Variants in ELMO1 observed in about 807,000 individuals in gnomAD.
ELMO1 encodes engulfment and cell motility protein 1.
In ELMO1, 26 loss-of-function variants were observed where a neutral mutation model predicts 98.9. The ratio of observed to expected loss-of-function variants is 0.26; its 90% confidence interval spans 0.19 to 0.36. ELMO1 has a LOEUF of 0.36. Among genes scored for constraint, ELMO1 ranks in the 10% least tolerant of loss-of-function variants. ELMO1 has a pLI of 1.00. For synonymous variants in ELMO1, 346 were observed against 346.0 expected (o/e 1.00, Z 0.00); for missense variants, 627 against 935.2 (o/e 0.67, Z 4.30).
chr7:37,382,439 C>T (rs972476152), intron 1 of ELMO1, among the ~76,000 whole-genome samples: 2 of 152,102 alleles, frequency 1.3e-5, no homozygotes, highest in Non-Finnish European at 2.9e-5. Flanking sequence ...GCCACTTTGG[C>T]GTAAGAATTA....
At chr7:37,318,790 C>A (rs946919456) in intron 2 of ELMO1, among the ~76,000 whole-genome samples, 1 of 152,140 alleles carries the variant, frequency 6.6e-6, no homozygotes, top group African/African-American at 2.4e-5. Context: ...AAACATTAGC[C>A]CTCACCACCC....
At chr7:37,146,173 T>C (rs574036963) in intron 13 of ELMO1, among the ~76,000 whole-genome samples, 40 of 152,182 alleles carry the variant, frequency 2.6e-4, no homozygotes, top group Non-Finnish European at 5.1e-4. Context: ...CCTTCCAAGG[T>C]TGAGAACCAC....
chr7:37,226,737 G>A (rs2130574023), intron 8 of ELMO1, among the ~76,000 whole-genome samples: 1 of 152,186 alleles, frequency 6.6e-6, no homozygotes, highest in African/African-American at 2.4e-5. Flanking sequence ...CTGAGAAGCT[G>A]TTGCTGATAT....
At chr7:37,193,428 G>T (rs189423833) in intron 13 of ELMO1, among the ~76,000 whole-genome samples, 1 of 152,152 alleles carries the variant, frequency 6.6e-6, no homozygotes, top group Admixed American at 6.5e-5. Flanking sequence ...ACAAAAAGCC[G>T]TTATATAAGC....
chr7:37,141,547 T>C (rs967795553), intron 13 of ELMO1, among the ~76,000 whole-genome samples: 2 of 151,944 alleles, frequency 1.3e-5, no homozygotes, highest in African/African-American at 4.8e-5. Flanking sequence ...AATAAGAAAA[T>C]TTAAAAATTC....
At chr7:37,101,642 C>T (rs1182247027) in intron 14 of ELMO1, among the ~76,000 whole-genome samples, 3 of 152,228 alleles carry the variant, frequency 2.0e-5, no homozygotes, top group South Asian at 2.1e-4. Context: ...TAGGTACCTT[C>T]CACCGAGCAC....
chr7:36,969,081 T>C (rs895067476), intron 16 of ELMO1, among the ~76,000 whole-genome samples: 1 of 152,108 alleles, frequency 6.6e-6, no homozygotes, highest in African/African-American at 2.4e-5. Context: ...AAAAGTTGCA[T>C]GGATACTGAA....
At chr7:37,352,724 G>A (rs1243441927) in intron 1 of ELMO1, among the ~76,000 whole-genome samples, 3 of 152,158 alleles carry the variant, frequency 2.0e-5, no homozygotes, top group Non-Finnish European at 4.4e-5. Context: ...CAGGAAAGTA[G>A]CCCAATTCTT....
At chr7:37,057,885 T>C (rs1223453263) in intron 15 of ELMO1, among the ~76,000 whole-genome samples, 1 of 152,268 alleles carries the variant, frequency 6.6e-6, no homozygotes, top group Non-Finnish European at 1.5e-5. Context: ...GCCATAATAT[T>C]ACCAACTTCC....
Position 36,861,676 on chromosome 7 carries a change from C to A in ELMO1, c.1966G>T (p.Ala656Ser). 3.1e-6 allele frequency: 5 copies of A among 1,611,818 alleles called. No individual in the cohort carries two copies. The highest frequency in any genetic ancestry group is 4.2e-6 in the Non-Finnish European group (5 of 1,179,508). ...ACCCTTACCTCATGCTTGTCAGGAG[C>A]GATGAAGTTCAGTTGGCAGTTTGAG... Reference protein sequence around the residue: ...YDSNCQLNFIAPDKHEYCIWT... With the variant: ...YDSNCQLNFISPDKHEYCIWT... Residue 656 changes from alanine to serine, a missense_variant, in exon 21 of 22, where the codon GCT becomes TCT. Around this residue, in one of 3 missense-constraint regions of ELMO1, gnomAD observed 492 missense variants for 715.6 expected, o/e 0.69. Transcript: ENST00000310758.
At chr7:36,957,282 A>T (rs1450915674) in intron 16 of ELMO1, among the ~76,000 whole-genome samples, 1 of 133,324 alleles carries the variant, frequency 7.5e-6, no homozygotes, top group Non-Finnish European at 1.5e-5. Context: ...GATTGAGGCA[A>T]AGCCTTGCAG....
chr7:36,875,924 C>A (rs1803924565), intron 19 of ELMO1, among the ~76,000 whole-genome samples: 1 of 152,184 alleles, frequency 6.6e-6, no homozygotes, highest in African/African-American at 2.4e-5. Context: ...GAAGTGATTA[C>A]ATCCCTATAA....
intron 15 of ELMO1, among the ~76,000 whole-genome samples, chr7:37,023,231 T>C (rs1232312076): frequency 6.6e-6 from 1 of 152,186 alleles, no homozygotes; most frequent in Non-Finnish European, 1.5e-5. Context: ...TTGTGTGTGT[T>C]CTTTGGATTT....
intron 6 of ELMO1, among the ~76,000 whole-genome samples, chr7:37,244,906 C>T (rs1794921160): frequency 6.6e-6 from 1 of 152,068 alleles, no homozygotes; most frequent in South Asian, 2.1e-4. Flanking sequence ...AGTGTTAAAT[C>T]CCAAAACTGA....
At chr7:36,882,982 A>G (rs1404036223) in intron 18 of ELMO1, among the ~76,000 whole-genome samples, 1 of 152,344 alleles carries the variant, frequency 6.6e-6, no homozygotes, top group Non-Finnish European at 1.5e-5. Flanking sequence ...GTAACAAAAT[A>G]TTAAAATAAA....
At chr7:36,877,868 G>T in intron 19 of ELMO1, 142 bp downstream of exon 19, 1 of 622,080 alleles carries the variant, frequency 1.6e-6, no homozygotes, top group Non-Finnish European at 2.8e-6. Context: ...TACTTGATGA[G>T]ATGGCTCAGG....
intron 16 of ELMO1, among the ~76,000 whole-genome samples, chr7:36,934,561 C>T (rs1485204994): frequency 6.6e-6 from 1 of 152,190 alleles, no homozygotes; most frequent in Non-Finnish European, 1.5e-5. Context: ...GGGACTGTTT[C>T]TGCTTTGGAT....
At chr7:37,020,229 C>G (rs901008955) in intron 15 of ELMO1, among the ~76,000 whole-genome samples, 8 of 152,198 alleles carry the variant, frequency 5.3e-5, no homozygotes, top group African/African-American at 1.9e-4. Flanking sequence ...TTCCAGCAGT[C>G]TCCATATACA....
chr7:37,115,557 TA>T (rs140831801), intron 14 of ELMO1, among the ~76,000 whole-genome samples: 4 of 151,220 alleles, frequency 2.6e-5, no homozygotes, highest in East Asian at 1.9e-4. Flanking sequence ...TCATTCATGA[TA>T]AAAAAAAACT....
Sources: allele counts gnomAD v4.1 joint callset (sites outside exome capture counted in the v4.1 genomes callset), GRCh38; gene constraint gnomAD v4.1.1; regional missense constraint gnomAD v4.1.1; transcripts MANE v1.5; gene names NCBI Gene and HGNC (gene_info 2026-07-23, HGNC 2026-07-21).